The following PDS5B variants were observed in gnomAD, a reference collection of about 807,000 sequenced individuals.
The protein encoded by PDS5B is sister chromatid cohesion protein PDS5 homolog B.
A neutral mutation model predicts 184.1 loss-of-function variants in PDS5B; 51 were observed. That is an observed-to-expected ratio of 0.28 (90% CI 0.22 to 0.35). The LOEUF is 0.35. Ranked by LOEUF, PDS5B falls within the 10% of genes least tolerant of loss-of-function variation. The pLI is 1.00. For missense variants in PDS5B, 1,180 were observed against 1,723.3 expected (o/e 0.68, Z 5.58); for synonymous variants, 566 against 569.2 (o/e 0.99, Z 0.08).
chr13:32,656,300 A>C (rs1593351645), intron 3 of PDS5B, among the ~76,000 whole-genome samples: 1 of 64,270 alleles, frequency 1.6e-5, no homozygotes, highest in Admixed American at 2.3e-4. Context: ...TTTGCTTAGG[A>C]TTGCCTTGGC....
intron 16 of PDS5B, chr13:32,701,087 A>G: frequency 3.5e-6 from 1 of 282,442 alleles, no homozygotes; most frequent in South Asian, 8.5e-5. Context: ...ATGTCTATCC[A>G]GTAATTTCAA....
intron 13 of PDS5B, among the ~76,000 whole-genome samples, chr13:32,693,080 C>T (rs1289321695): frequency 6.6e-6 from 1 of 151,850 alleles, no homozygotes; most frequent in Non-Finnish European, 1.5e-5. Flanking sequence ...CTTTGGAGTT[C>T]AGAAGTAATT....
At chr13:32,714,688 C>T (rs1486813505) in intron 19 of PDS5B, among the ~76,000 whole-genome samples, 1 of 152,140 alleles carries the variant, frequency 6.6e-6, no homozygotes, top group Non-Finnish European at 1.5e-5. Context: ...CTCTGTTATG[C>T]CTGGCTCACC....
At chr13:32,746,148 T>A (rs752552534) in intron 24 of PDS5B, 48 bp downstream of exon 24, 9 of 1,545,650 alleles carry the variant, frequency 5.8e-6, no homozygotes, top group Non-Finnish European at 8.0e-6. Flanking sequence ...CTTTGACTTT[T>A]AGGAAGGAAA....
intron 1 of PDS5B, among the ~76,000 whole-genome samples, chr13:32,629,401 A>C (rs532250861): frequency 6.6e-6 from 1 of 152,204 alleles, no homozygotes; most frequent in East Asian, 1.9e-4. Context: ...TGTGTTGGCT[A>C]CAATTCTTGT....
chr13:32,693,920 T>G (rs1951625760), intron 13 of PDS5B, among the ~76,000 whole-genome samples: 1 of 151,768 alleles, frequency 6.6e-6, no homozygotes. Context: ...ATGTTTTTGA[T>G]TCCATTTCAT....
chr13:32,757,955 G>GT (rs916850030), intron 26 of PDS5B, 132 bp from the exon 27 acceptor site: 1 of 415,596 alleles, frequency 2.4e-6, no homozygotes, highest in Non-Finnish European at 4.1e-6. Context: ...GTTTGTAACT[G>GT]TTTCTTTTTT....
intron 6 of PDS5B, among the ~76,000 whole-genome samples, chr13:32,661,103 G>C (rs1352614858): frequency 1.3e-5 from 2 of 152,006 alleles, no homozygotes; most frequent in African/African-American, 4.8e-5. Context: ...ATGAAAAATG[G>C]CTGGGTGCAG....
intron 1 of PDS5B, among the ~76,000 whole-genome samples, chr13:32,628,362 C>T (rs1282501754): frequency 6.6e-6 from 1 of 151,770 alleles, no homozygotes; most frequent in African/African-American, 2.4e-5. Context: ...TTCGAGACCA[C>T]CCTGGCCAAG....
At chr13:32,660,506 C>G (rs1950614765) in intron 6 of PDS5B, among the ~76,000 whole-genome samples, 2 of 152,210 alleles carry the variant, frequency 1.3e-5, no homozygotes, top group African/African-American at 4.8e-5. Flanking sequence ...CTAAGCCTTT[C>G]AAATGGGCTG....
intron 18 of PDS5B, among the ~76,000 whole-genome samples, chr13:32,707,286 A>AT (rs1459837550): frequency 2.0e-5 from 3 of 152,146 alleles, no homozygotes; most frequent in Non-Finnish European, 4.4e-5. Context: ...TCAGGGTGTC[A>AT]TTAGTGAGCA....
chr13:32,708,188 G>A (rs1023970019), intron 18 of PDS5B, among the ~76,000 whole-genome samples: 3 of 152,192 alleles, frequency 2.0e-5, no homozygotes, highest in African/African-American at 7.2e-5. Flanking sequence ...GTACTGTTCT[G>A]CAGAAGCAGT....
At chr13:32,718,190 G>C (rs192985871) in intron 19 of PDS5B, among the ~76,000 whole-genome samples, 6 of 149,754 alleles carry the variant, frequency 4.0e-5, no homozygotes, top group Non-Finnish European at 7.4e-5. Context: ...TCGCTCTGTC[G>C]CCCAGGCTGG....
chr13:32,684,087 T>G (rs1951321567), intron 11 of PDS5B, 64 bp downstream of exon 11: 2 of 801,932 alleles, frequency 2.5e-6, no homozygotes, highest in South Asian at 5.5e-5. Flanking sequence ...TAACAATATT[T>G]GAAAATATAT....
At chr13:32,701,719 G>T (rs747523955) in intron 17 of PDS5B, among the ~76,000 whole-genome samples, 14 of 151,936 alleles carry the variant, frequency 9.2e-5, no homozygotes, top group Non-Finnish European at 1.0e-4. Context: ...GTGAGAAATT[G>T]TCAATCTAAG....
At chr13:32,731,964 G>A (rs2140950868) in intron 19 of PDS5B, 137 bp from the exon 20 acceptor site, 1 of 589,484 alleles carries the variant, frequency 1.7e-6, no homozygotes, top group Non-Finnish European at 2.9e-6. Context: ...TAGGCCTTTG[G>A]AAGTGAGTTT....
rs1026783592 is a variant in PDS5B at position 32,719,090 on chromosome 13, C to G, written c.2123+8984C>G. On this transcript the variant is annotated intron_variant, in intron 19 of 34. Transcript: ENST00000315596. The stretch of plus-strand genomic sequence containing the variant: ...TAACATGAATTAAAATACTAGTAAC[C>G]AGTATATTTTTATAACTTCCTTGTT... 2.0e-5 allele frequency among the ~76,000 whole-genome samples: 3 copies of G among 152,094 alleles called. No individual in the cohort carries two copies. The South Asian group carries it at 6.2e-4, about 32-fold the overall frequency.
intron 7 of PDS5B, among the ~76,000 whole-genome samples, chr13:32,672,100 T>A (rs1330524919): frequency 6.6e-6 from 1 of 152,184 alleles, no homozygotes; most frequent in Non-Finnish European, 1.5e-5. Context: ...TGCTTTTAAT[T>A]GGATTTTAAT....
chr13:32,745,202 ATTC>A (rs1953699441), intron 23 of PDS5B, among the ~76,000 whole-genome samples: 1 of 152,306 alleles, frequency 6.6e-6, no homozygotes, highest in East Asian at 1.9e-4. Context: ...ACCTGCTTTC[ATTC>A]TTCTTCTGTG....
Sources: gnomAD v4.1 joint callset for allele counts (sites outside exome capture counted in the v4.1 genomes callset) on GRCh38, gnomAD v4.1.1 for gene constraint, MANE v1.5 for transcripts, NCBI Gene and HGNC (gene_info 2026-07-23, HGNC 2026-07-21) for gene names.